ANKIB1: variants seen among roughly 807,000 people sequenced by gnomAD.
ANKIB1 encodes the protein ankyrin repeat and IBR domain containing 1.
In ANKIB1, 43 loss-of-function variants were observed where a neutral mutation model predicts 122.1. The ratio of observed to expected loss-of-function variants is 0.35; its 90% CI spans 0.28 to 0.45. ANKIB1 has a LOEUF of 0.45. ANKIB1 is among the 20% of genes least tolerant of loss of function. The pLI is 1.00. For synonymous variants in ANKIB1, 390 were observed against 442.0 expected (o/e 0.88, Z 1.48); for missense variants, 992 against 1,329.5 (o/e 0.75, Z 3.95).
chr7:92,271,200 A>G (rs537097751), intron 1 of ANKIB1, among the ~76,000 whole-genome samples: 1 of 152,180 alleles, frequency 6.6e-6, no homozygotes, highest in South Asian at 2.1e-4. Context: ...AGTAGTTCCA[A>G]CAGCATTTGT....
At chr7:92,295,898 C>T (rs973591461) in intron 2 of ANKIB1, among the ~76,000 whole-genome samples, 25 of 151,906 alleles carry the variant, frequency 1.6e-4, no homozygotes, top group Non-Finnish European at 2.9e-5. Context: ...CCAGTAGCTA[C>T]AAAGCAAGGT....
intron 9 of ANKIB1, among the ~76,000 whole-genome samples, chr7:92,360,962 T>C (rs1169744734): frequency 1.1e-4 from 17 of 152,040 alleles, no homozygotes; most frequent in Admixed American, 1.1e-3. Flanking sequence ...CCTCCCAGAC[T>C]CAAGTGATCC....
intron 11 of ANKIB1, among the ~76,000 whole-genome samples, chr7:92,380,360 G>A (rs757665630): frequency 3.9e-5 from 6 of 152,250 alleles, no homozygotes; most frequent in Non-Finnish European, 7.4e-5. Context: ...GTCCCTGTCC[G>A]ACAGCTCTGA....
intron 11 of ANKIB1, among the ~76,000 whole-genome samples, chr7:92,376,644 T>C (rs1804389603): frequency 6.6e-6 from 1 of 152,054 alleles, no homozygotes; most frequent in Non-Finnish European, 1.5e-5. Context: ...AGAAGGGGTT[T>C]CACCATGTTT....
At chr7:92,308,339 T>C (rs1287832364) in intron 3 of ANKIB1, among the ~76,000 whole-genome samples, 1 of 152,186 alleles carries the variant, frequency 6.6e-6, no homozygotes, top group Non-Finnish European at 1.5e-5. Context: ...GTCATAGTTA[T>C]AGTAGAGATA....
In ANKIB1 at chr7:92,383,856, C is replaced by T. The variant is rs546816767; in HGVS notation, c.1618-2653C>T. Reference sequence around the variant, plus strand: ...AAGACAGGGATGCCCTCTCTCACCACTCCTATTCAACATAGTGTTGGAAGT... The same window carrying T: ...AAGACAGGGATGCCCTCTCTCACCATTCCTATTCAACATAGTGTTGGAAGT... On this transcript the variant is annotated intron_variant, in intron 11 of 19. Coordinates refer to ENST00000265742, the MANE Select transcript of ANKIB1 (RefSeq NM_019004.2). 2.9e-4 allele frequency among the ~76,000 whole-genome samples: 44 copies of T among 152,236 alleles called. 1 individual carries two copies. The South Asian group carries it at 7.5e-3, about 26-fold the overall frequency.
rs2131984042 is a variant in ANKIB1 at position 92,350,971 on chromosome 7, A to T, written c.1107A>T (p.Gln369His). ...ATAGGTTTTTGAATCTGAAAATTCA[A>T]GAAGGTGAAGCTCACAACATTTTTT... is the stretch of plus-strand genomic sequence containing the variant. ...CWESFLNLKI[Q>H]EGEAHNIFCP... The change falls in exon 8 of 20, where the codon CAA becomes CAT. Residue 369 changes from glutamine (Q) to histidine (H), a missense_variant. Gln to His is a conservative substitution (Grantham distance 24, BLOSUM62 0). Around this residue, in one of 4 missense-constraint regions of ANKIB1, gnomAD observed 521 missense variants for 777.7 expected, o/e 0.67. Transcript: ENST00000265742. 6.2e-7 allele frequency: 1 copy of T among 1,606,332 alleles called. No individual in the cohort carries two copies. The highest frequency in any genetic ancestry group is 2.2e-5 in the East Asian group (1 of 44,774).
intron 11 of ANKIB1, among the ~76,000 whole-genome samples, chr7:92,383,325 G>A (rs1804561889): frequency 6.6e-6 from 1 of 152,158 alleles, no homozygotes; most frequent in African/African-American, 2.4e-5. Context: ...AAGAGGAGAT[G>A]GCACCATTCC....
chr7:92,376,278 A>G (rs997808038), intron 11 of ANKIB1, among the ~76,000 whole-genome samples: 4 of 152,154 alleles, frequency 2.6e-5, no homozygotes, highest in East Asian at 1.9e-4. Flanking sequence ...TTCTGTAGCT[A>G]TGAAAATCCT....
Position 92,372,766 on chromosome 7 carries a change from A to G in ANKIB1, c.1617+1159A>G, listed in dbSNP as rs192741350. Among the ~76,000 whole-genome samples the G allele has an allele frequency of 2.4e-3, 363 of 152,226 alleles. 2 individuals carry two copies. Among genetic ancestry groups the G allele is most frequent in the African/African-American group, 8.2e-3 (341 of 41,544 alleles). ...AATAACATTTTATTAATCCCTACCT[A>G]CCTACATTTATGAACCTTTTTTGGT... On this transcript the variant is annotated intron_variant, in intron 11 of 19. Transcript: ENST00000265742.
At chr7:92,288,251 A>G (rs1246484504) in intron 1 of ANKIB1, among the ~76,000 whole-genome samples, 2 of 152,196 alleles carry the variant, frequency 1.3e-5, no homozygotes, top group Non-Finnish European at 2.9e-5. Flanking sequence ...CACCATTCAT[A>G]ATAGCATCCC....
chr7:92,330,407 A>T (rs1261214862), intron 5 of ANKIB1, among the ~76,000 whole-genome samples: 4 of 152,126 alleles, frequency 2.6e-5, no homozygotes, highest in Non-Finnish European at 5.9e-5. Flanking sequence ...ATGTTTTTTT[A>T]TATTTTTTGA....
At position 92,246,005 on chromosome 7, in the gene ANKIB1, T is replaced by C. The variant is rs143215997; in HGVS notation, c.-605T>C. 8.7e-3 allele frequency: 2,098 copies of C among 242,372 alleles called. 9 individuals carry two copies. The highest frequency in any genetic ancestry group is 0.012 in the Non-Finnish European group (1,476 of 123,470). 15.0% of individuals were successfully genotyped at this position (242,372 alleles called of 1,614,324 possible). A position where few individuals can be genotyped will look rare whatever the true frequency, so the allele number is the denominator to read the frequency against. On this transcript the variant is annotated 5_prime_UTR_variant, in exon 1 of 20. Coordinates refer to ENST00000265742, the MANE Select transcript of ANKIB1 (RefSeq NM_019004.2). Reference sequence around the variant, plus strand: ...GCGGCCGGGCTGCTGCCGTTCCTGCTCCTTTTCACTGGACCTGCAGTCTCT... The same window carrying C: ...GCGGCCGGGCTGCTGCCGTTCCTGCCCCTTTTCACTGGACCTGCAGTCTCT...
chr7:92,330,067 AT>A (rs1226266203), intron 5 of ANKIB1, among the ~76,000 whole-genome samples: 1 of 152,096 alleles, frequency 6.6e-6, no homozygotes, highest in African/African-American at 2.4e-5. Flanking sequence ...CAGTCTTCCC[AT>A]TTCTTTCCCT....
At chr7:92,367,827 A>T (rs148723287) in intron 10 of ANKIB1, among the ~76,000 whole-genome samples, 1 of 152,184 alleles carries the variant, frequency 6.6e-6, no homozygotes, top group African/African-American at 2.4e-5. Flanking sequence ...CATGGGACAT[A>T]CTCAATAAAC....
chr7:92,309,941 AAAT>A (rs1326939690), intron 3 of ANKIB1, among the ~76,000 whole-genome samples: 2 of 112,818 alleles, frequency 1.8e-5, no homozygotes, highest in Admixed American at 8.7e-5. Flanking sequence ...AAAAAAAAAA[AAAT>A]ATATATATAT....
intron 1 of ANKIB1, among the ~76,000 whole-genome samples, chr7:92,287,902 G>A (rs962700951): frequency 1.3e-5 from 2 of 152,002 alleles, no homozygotes; most frequent in African/African-American, 2.4e-5. Flanking sequence ...CAGGCATGGC[G>A]GCGTGCGCCT....
intron 3 of ANKIB1, among the ~76,000 whole-genome samples, chr7:92,309,940 A>ATATATAT (rs57536267): frequency 5.7e-5 from 6 of 105,300 alleles, no homozygotes; most frequent in South Asian, 3.1e-4. Flanking sequence ...AAAAAAAAAA[A>ATATATAT]AAATATATAT....
intron 10 of ANKIB1, among the ~76,000 whole-genome samples, chr7:92,367,788 A>G (rs1804125085): frequency 6.6e-6 from 1 of 152,208 alleles, no homozygotes; most frequent in Non-Finnish European, 1.5e-5. Flanking sequence ...ATGATGGTTA[A>G]TTTATAAATT....
Sources: gnomAD v4.1 joint callset for allele counts (sites outside exome capture counted in the v4.1 genomes callset) on GRCh38, gnomAD v4.1.1 for gene constraint, gnomAD v4.1.1 regional missense constraint, MANE v1.5 for transcripts, NCBI Gene and HGNC (gene_info 2026-07-23, HGNC 2026-07-21) for gene names.